Variants in GALNT13 observed in about 807,000 individuals in gnomAD.
GALNT13 encodes the protein polypeptide N-acetylgalactosaminyltransferase 13.
GALNT13 carries 28 observed loss-of-function variants against 64.2 expected under a neutral mutation model. That is an observed-to-expected ratio of 0.44 (90% confidence interval 0.32 to 0.60). The LOEUF is 0.60. GALNT13 is among the 20% of genes least tolerant of loss of function. GALNT13 has a pLI of 0.05. For synonymous variants in GALNT13, 214 were observed against 224.6 expected, an observed-to-expected ratio of 0.95 and a Z score of 0.42; for missense variants, 577 against 669.8, an observed-to-expected ratio of 0.86 and a Z score of 1.53.
intron 8 of GALNT13, among the ~76,000 whole-genome samples, chr2:154,270,129 C>A (rs962194767): frequency 1.3e-5 from 2 of 151,304 alleles, no homozygotes; most frequent in East Asian, 3.9e-4. Flanking sequence ...AGAACATTAG[C>A]AAACATTAAC....
chr2:154,014,649 T>TTTTTTTTTTTTC (rs1395681522), intron 3 of GALNT13, among the ~76,000 whole-genome samples: 22 of 139,306 alleles, frequency 1.6e-4, no homozygotes, highest in Admixed American at 5.9e-4. Context: ...TTTTTTTTTT[T>TTTTTTTTTTTTC]TGAGACGGAG....
the GALNT13 span, among the ~76,000 whole-genome samples, chr2:153,446,091 T>G: frequency 6.6e-6 from 1 of 152,194 alleles, no homozygotes; most frequent in Non-Finnish European, 1.5e-5. Context: ...AAAAAAGAAT[T>G]AGAGTCTGAC....
chr2:153,591,528 A>C, the GALNT13 span, among the ~76,000 whole-genome samples: 469 of 152,226 alleles, frequency 3.1e-3, 3 homozygotes, highest in African/African-American at 0.011. Flanking sequence ...GAGGCATTGC[A>C]TTACCTGACT....
At chr2:153,230,173 A>G in the GALNT13 span, among the ~76,000 whole-genome samples, 1 of 152,206 alleles carries the variant, frequency 6.6e-6, no homozygotes, top group Non-Finnish European at 1.5e-5. Flanking sequence ...CTCTGTGCGG[A>G]AGATTAGTAC....
chr2:153,722,868 C>T, the GALNT13 span, among the ~76,000 whole-genome samples: 2 of 150,692 alleles, frequency 1.3e-5, no homozygotes, highest in Non-Finnish European at 3.0e-5. Context: ...CGAATTCTAC[C>T]AGAGGTACAA....
intron 9 of GALNT13, among the ~76,000 whole-genome samples, chr2:154,377,092 T>C (rs2105323857): frequency 6.6e-6 from 1 of 152,232 alleles, no homozygotes; most frequent in East Asian, 1.9e-4. Context: ...CAAAATAGTA[T>C]TTTTGAAAAC....
the GALNT13 span, among the ~76,000 whole-genome samples, chr2:153,340,786 G>T: frequency 2.0e-5 from 3 of 152,156 alleles, no homozygotes; most frequent in Non-Finnish European, 4.4e-5. Flanking sequence ...ACAGGAAGAT[G>T]TTAAATTTTT....
intron 4 of GALNT13, among the ~76,000 whole-genome samples, chr2:154,235,325 G>A (rs1398861500): frequency 6.6e-6 from 1 of 152,032 alleles, no homozygotes; most frequent in Non-Finnish European, 1.5e-5. Context: ...ACTTACTTTT[G>A]GAAGATTTAA....
At chr2:153,165,830 A>G in the GALNT13 span, among the ~76,000 whole-genome samples, 1 of 152,222 alleles carries the variant, frequency 6.6e-6, no homozygotes, top group Non-Finnish European at 1.5e-5. Context: ...CTAAAAACCA[A>G]GATAAAAATA....
At chr2:153,843,547 G>A in the GALNT13 span, among the ~76,000 whole-genome samples, 107,348 of 151,598 alleles carry the variant, frequency 0.71, 39,743 homozygotes, top group Non-Finnish European at 0.81. Flanking sequence ...GCCCCTCCCC[G>A]CAAATATCAT....
intron 1 of GALNT13, among the ~76,000 whole-genome samples, chr2:153,881,480 T>A (rs1461784172): frequency 6.6e-6 from 1 of 152,206 alleles, no homozygotes; most frequent in Non-Finnish European, 1.5e-5. Flanking sequence ...AAAGTTGAGA[T>A]GAATTGTAGG....
At chr2:154,436,344 G>A (rs1700970344) in intron 11 of GALNT13, 1 of 152,248 alleles carries the variant, frequency 6.6e-6, no homozygotes, top group Admixed American at 6.5e-5. Context: ...AGGGATATAT[G>A]GTAGACTGCT....
chr2:153,358,751 T>C, the GALNT13 span, among the ~76,000 whole-genome samples: 2 of 152,168 alleles, frequency 1.3e-5, no homozygotes, highest in Non-Finnish European at 2.9e-5. Context: ...GTAATCCATA[T>C]TTACCTGATG....
chr2:154,343,716 T>C (rs531596123), intron 9 of GALNT13, among the ~76,000 whole-genome samples: 11 of 152,168 alleles, frequency 7.2e-5, no homozygotes, highest in African/African-American at 2.2e-4. Context: ...CATTGATATA[T>C]ACAGTGAATT....
chr2:153,388,558 C>G, the GALNT13 span, among the ~76,000 whole-genome samples: 2 of 152,072 alleles, frequency 1.3e-5, no homozygotes, highest in Non-Finnish European at 1.5e-5. Flanking sequence ...TTTATTAGAA[C>G]TTCTAGCAAC....
intron 8 of GALNT13, among the ~76,000 whole-genome samples, chr2:154,278,181 A>G (rs1038678177): frequency 2.3e-4 from 35 of 152,294 alleles, no homozygotes; most frequent in African/African-American, 7.9e-4. Flanking sequence ...TTTGCGAAAA[A>G]CATCATAACT....
At chr2:153,526,582 A>G in the GALNT13 span, among the ~76,000 whole-genome samples, 1 of 152,216 alleles carries the variant, frequency 6.6e-6, no homozygotes, top group African/African-American at 2.4e-5. Context: ...GAAGGATGGA[A>G]ACAAACAAGT....
chr2:154,236,179 A>G, intron 4 of GALNT13: 1 of 1,083,054 alleles, frequency 9.2e-7, no homozygotes, highest in Non-Finnish European at 1.1e-6. Context: ...TATGACATAA[A>G]GGTAATCTTC....
At chr2:153,506,408 T>C in the GALNT13 span, among the ~76,000 whole-genome samples, 1 of 152,164 alleles carries the variant, frequency 6.6e-6, no homozygotes, top group South Asian at 2.1e-4. Context: ...AATACCTTTT[T>C]TTCATTGTAT....
Sources: gnomAD v4.1 joint callset for allele counts (sites outside exome capture counted in the v4.1 genomes callset) on GRCh38, gnomAD v4.1.1 for gene constraint, MANE v1.5 for transcripts, NCBI Gene and HGNC (gene_info 2026-07-23, HGNC 2026-07-21) for gene names.